IQSEC3: variants seen among roughly 807,000 people sequenced by gnomAD.
IQSEC3 encodes the protein IQ motif and Sec7 domain ArfGEF 3.
In IQSEC3, 50 loss-of-function variants were observed where a neutral mutation model predicts 105.4. That is an observed-to-expected ratio of 0.47 (90% CI 0.38 to 0.60). IQSEC3 has a LOEUF of 0.60. IQSEC3 is among the 20% of genes least tolerant of loss of function. The pLI is 0.00. For synonymous variants in IQSEC3, 708 were observed against 746.0 expected, an observed-to-expected ratio of 0.95 and a Z score of 0.83; for missense variants, 1,415 against 1,630.0, an observed-to-expected ratio of 0.87 and a Z score of 2.27.
chr12:154,943 C>G (rs916747358), intron 5 of IQSEC3, among the ~76,000 whole-genome samples: 1 of 142,378 alleles, frequency 7.0e-6, no homozygotes, highest in African/African-American at 2.9e-5. Flanking sequence ...CTGGCCCACA[C>G]GCTCTGACCC....
chr12:103,862 C>CGGGGCTCGGGGGGAGGCGGG (rs545289581), intron 2 of IQSEC3, among the ~76,000 whole-genome samples: 4 of 5,536 alleles, frequency 7.2e-4, no homozygotes, highest in African/African-American at 5.7e-3. Flanking sequence ...TGAGGGGAGG[C>CGGGGCTCGGGGGGAGGCGGG]GGCTCGGGAG....
At chr12:154,455 G>A (rs957818956) in intron 5 of IQSEC3, among the ~76,000 whole-genome samples, 6 of 152,192 alleles carry the variant, frequency 3.9e-5, no homozygotes, top group South Asian at 2.1e-4. Context: ...GTGGGAAGCC[G>A]GGTGCCAGGA....
At chr12:126,140 G>A (rs1417718458) in intron 3 of IQSEC3, among the ~76,000 whole-genome samples, 1 of 152,204 alleles carries the variant, frequency 6.6e-6, no homozygotes, top group African/African-American at 2.4e-5. Context: ...AGGCCCTTGG[G>A]CAGCACGTCC....
In IQSEC3 at chr12:165,552, G is replaced by A. The variant is rs782452381; in HGVS notation, c.2809+19G>A. 3 of 1,607,512 alleles carry A rather than the reference G, an allele frequency of 1.9e-6. No individual in the cohort carries two copies. Among genetic ancestry groups the A allele is most frequent in the Non-Finnish European group, 2.6e-6 (3 of 1,174,058 alleles). ...AACGAGTGTAAGTCTTTGACAGCCAGTGTAAGTCTTTGAGAAGGAATGAAT... is the reference window on the plus strand; with the variant it reads ...AACGAGTGTAAGTCTTTGACAGCCAATGTAAGTCTTTGAGAAGGAATGAAT... On this transcript the variant is annotated intron_variant, in intron 10 of 13. Coordinates refer to ENST00000538872, the MANE Select transcript of IQSEC3 (RefSeq NM_001170738.2).
At chr12:113,409 T>C (rs1458519188) in intron 2 of IQSEC3, among the ~76,000 whole-genome samples, 1 of 152,218 alleles carries the variant, frequency 6.6e-6, no homozygotes, top group African/African-American at 2.4e-5. Context: ...AGGCAGAGGT[T>C]AAGACCAGAG....
intron 2 of IQSEC3, among the ~76,000 whole-genome samples, chr12:110,764 G>A (rs1555079339): frequency 6.6e-6 from 1 of 152,034 alleles, no homozygotes; most frequent in Non-Finnish European, 1.5e-5. Flanking sequence ...TTCCCAGAGT[G>A]GCCTCATTTT....
chr12:101,587 C>T lies in IQSEC3; in HGVS notation c.623+2373C>T, dbSNP rs1555076207. On this transcript the variant is annotated intron_variant, in intron 2 of 13. Coordinates refer to ENST00000538872, the MANE Select transcript of IQSEC3 (RefSeq NM_001170738.2). The stretch of plus-strand genomic sequence containing the variant: ...CGGGGGCCCTCCCCCTGGCTGGGGA[C>T]AGGGAGGACTTGCCCCCTGAGATGG... 3.9e-5 allele frequency among the ~76,000 whole-genome samples: 6 copies of T among 152,244 alleles called. No individual in the cohort carries two copies. In the South Asian group the frequency reaches 6.2e-4, roughly 16 times the overall value.
At chr12:124,279 C>A (rs1401008270) in intron 2 of IQSEC3, among the ~76,000 whole-genome samples, 3 of 151,328 alleles carry the variant, frequency 2.0e-5, no homozygotes, top group African/African-American at 4.9e-5. Context: ...ATCCCAGCCA[C>A]TCGGGAAGCT....
At chr12:104,531 G>C (rs1565398352) in intron 2 of IQSEC3, among the ~76,000 whole-genome samples, 1 of 151,780 alleles carries the variant, frequency 6.6e-6, no homozygotes, top group Non-Finnish European at 1.5e-5. Context: ...TCTCTGCGTT[G>C]GGTTTTACGT....
chr12:143,552 C>A (rs1454535592), intron 5 of IQSEC3: 3 of 159,118 alleles, frequency 1.9e-5, no homozygotes, highest in Non-Finnish European at 4.2e-5. Flanking sequence ...GAGCAGCCCA[C>A]AGGCCCCAGG....
rs3852580 is a variant in IQSEC3, at chr12:70,420, C to A, written c.554+2984C>A. Among the ~76,000 whole-genome samples the A allele has an allele frequency of 6.6e-3, 998 of 152,320 alleles. 8 individuals are homozygous for A. Among genetic ancestry groups the A allele is most frequent in the African/African-American group, 0.023 (967 of 41,514 alleles). On this transcript the variant is annotated intron_variant, in intron 1 of 13. Coordinates refer to ENST00000538872, the MANE Select transcript of IQSEC3 (RefSeq NM_001170738.2). ...GCAGCAATATGTGGGTGAGTGAATG[C>A]AGAGATATTATGGAAGAAAAACATT...
intron 1 of IQSEC3, among the ~76,000 whole-genome samples, chr12:67,896 T>G (rs1168749958): frequency 6.6e-6 from 1 of 152,160 alleles, no homozygotes; most frequent in Admixed American, 6.5e-5. Context: ...GAAAGAGGCA[T>G]GTGAAGAGCT....
intron 8 of IQSEC3, among the ~76,000 whole-genome samples, chr12:162,534 C>T (rs1368530081): frequency 2.0e-5 from 3 of 152,196 alleles, no homozygotes; most frequent in Admixed American, 1.3e-4. Flanking sequence ...TAAAGTGGGA[C>T]TTCTCTGTAG....
At chr12:161,669 T>A (rs1433318183) in intron 7 of IQSEC3, among the ~76,000 whole-genome samples, 1 of 152,026 alleles carries the variant, frequency 6.6e-6, no homozygotes, top group Non-Finnish European at 1.5e-5. Context: ...GAGGTGGGCG[T>A]GAAGACTCTG....
intron 1 of IQSEC3, among the ~76,000 whole-genome samples, chr12:98,554 T>C (rs1864312524): frequency 6.6e-6 from 1 of 152,220 alleles, no homozygotes; most frequent in Non-Finnish European, 1.5e-5. Flanking sequence ...TGGCGAACTG[T>C]AGAGCTGGGA....
In IQSEC3 at chr12:165,485, A is replaced by C. The variant is rs782595938; in HGVS notation, c.2761A>C (p.Lys921Gln). The change falls in exon 10 of 14, where the codon AAG (lysine) becomes CAG (glutamine). Residue 921 changes from lysine (K) to glutamine (Q), a missense_variant. Lys to Gln is a moderately conservative substitution (Grantham distance 53). Around this residue, in one of 6 missense-constraint regions of IQSEC3, gnomAD observed 419 missense variants for 436.2 expected, o/e 0.96. Transcript: ENST00000538872. ...KKSSSTYTFC[K>Q]SVGLLGMQFQ... ...GAGCTCCTCCACGTACACCTTTTGCAAGTCAGTTGGCCTGCTGGGCATGCA... is the reference window on the plus strand; with the variant it reads ...GAGCTCCTCCACGTACACCTTTTGCCAGTCAGTTGGCCTGCTGGGCATGCA... 1.2e-6 allele frequency: 2 copies of C among 1,614,030 alleles called. No individual in the cohort carries two copies. Among genetic ancestry groups the C allele is most frequent in the Non-Finnish European group, 1.7e-6 (2 of 1,180,026 alleles).
intron 1 of IQSEC3, among the ~76,000 whole-genome samples, chr12:93,611 A>C (rs1864159436): frequency 6.6e-6 from 1 of 152,366 alleles, no homozygotes; most frequent in Admixed American, 6.5e-5. Context: ...CCACGGTCTC[A>C]GTATGGCTCC....
At chr12:75,046 TTAA>T (rs1421288542) in intron 1 of IQSEC3, among the ~76,000 whole-genome samples, 14 of 152,272 alleles carry the variant, frequency 9.2e-5, no homozygotes, top group Admixed American at 9.2e-4. Flanking sequence ...CTCAACTATG[TTAA>T]TAATTCCACA....
chr12:111,851 C>G (rs1244315210), intron 2 of IQSEC3: 1 of 152,144 alleles, frequency 6.6e-6, no homozygotes, highest in Non-Finnish European at 1.5e-5. Flanking sequence ...AACAGACTCA[C>G]CCGTCCAAAC....
Sources: allele counts gnomAD v4.1 joint callset (sites outside exome capture counted in the v4.1 genomes callset), GRCh38; gene constraint gnomAD v4.1.1; regional missense constraint gnomAD v4.1.1; transcripts MANE v1.5; gene names NCBI Gene and HGNC (gene_info 2026-07-23, HGNC 2026-07-21).